The following DOK6 variants were observed in gnomAD, a reference collection of about 807,000 sequenced individuals.
DOK6 encodes the protein downstream of tyrosine kinase 6.
DOK6 carries 22 observed loss-of-function variants against 44.0 expected under a neutral mutation model. The observed-to-expected ratio is 0.50, with a 90% CI of 0.36 to 0.71. DOK6 has a LOEUF of 0.71. Among genes scored for constraint, DOK6 ranks in the 30% least tolerant of loss-of-function variants. DOK6 has a pLI of 0.00. For synonymous variants in DOK6, 166 were observed against 145.5 expected, an observed-to-expected ratio of 1.14 and a Z score of -1.01; for missense variants, 340 against 416.4, an observed-to-expected ratio of 0.82 and a Z score of 1.60.
intron 1 of DOK6, among the ~76,000 whole-genome samples, chr18:69,529,901 T>C (rs1222594656): frequency 6.6e-6 from 1 of 152,198 alleles, no homozygotes; most frequent in African/African-American, 2.4e-5. Context: ...TTACATATAT[T>C]ATCTCATATT....
At chr18:69,613,474 G>A (rs911319607) in intron 3 of DOK6, among the ~76,000 whole-genome samples, 1 of 152,132 alleles carries the variant, frequency 6.6e-6, no homozygotes, top group Non-Finnish European at 1.5e-5. Context: ...TTGGTTAATA[G>A]ACTCTGCCAC....
chr18:69,682,581 G>C (rs1406249146), intron 4 of DOK6, among the ~76,000 whole-genome samples: 2 of 152,176 alleles, frequency 1.3e-5, no homozygotes, highest in Non-Finnish European at 2.9e-5. Context: ...CACAATTTGA[G>C]CCTTTGAATA....
intron 7 of DOK6, among the ~76,000 whole-genome samples, chr18:69,835,795 G>C (rs573630238): frequency 1.3e-5 from 2 of 152,130 alleles, no homozygotes; most frequent in South Asian, 2.1e-4. Context: ...GTTATTTATA[G>C]GGACAGTACC....
At chr18:69,505,699 T>C (rs1258876325) in intron 1 of DOK6, among the ~76,000 whole-genome samples, 1 of 151,802 alleles carries the variant, frequency 6.6e-6, no homozygotes, top group Non-Finnish European at 1.5e-5. Context: ...GGTTTCACCA[T>C]GTTCACCAGG....
chr18:69,782,822 G>A (rs1375816518), intron 7 of DOK6, among the ~76,000 whole-genome samples: 1 of 152,016 alleles, frequency 6.6e-6, no homozygotes, highest in Non-Finnish European at 1.5e-5. Flanking sequence ...TATCAAAACA[G>A]GTCACATGTG....
chr18:69,512,555 G>C (rs1404827012), intron 1 of DOK6, among the ~76,000 whole-genome samples: 2 of 152,082 alleles, frequency 1.3e-5, no homozygotes, highest in Admixed American at 6.5e-5. Context: ...TGTTGGCCAG[G>C]TTGGTCTTGA....
At chr18:69,584,697 TA>T (rs778810406) in intron 2 of DOK6, among the ~76,000 whole-genome samples, 180 of 152,234 alleles carry the variant, frequency 1.2e-3, no homozygotes, top group Non-Finnish European at 1.8e-3. Context: ...CACTGTCCCC[TA>T]AATGTTTGGT....
At chr18:69,608,756 C>T (rs374590491) in intron 3 of DOK6, among the ~76,000 whole-genome samples, 24 of 151,974 alleles carry the variant, frequency 1.6e-4, no homozygotes, top group African/African-American at 5.8e-4. Flanking sequence ...TCGAGACCAG[C>T]CTGGCCAACA....
intron 2 of DOK6, among the ~76,000 whole-genome samples, chr18:69,571,417 A>T (rs1349714581): frequency 6.6e-6 from 1 of 152,070 alleles, no homozygotes; most frequent in Non-Finnish European, 1.5e-5. Flanking sequence ...TTGTGTTAGT[A>T]AACATTCCAA....
intron 7 of DOK6, among the ~76,000 whole-genome samples, chr18:69,763,520 C>T (rs1979626939): frequency 6.6e-6 from 1 of 151,888 alleles, no homozygotes; most frequent in African/African-American, 2.4e-5. Context: ...AATTGTATTT[C>T]CAAGGCGTTG....
intron 3 of DOK6, among the ~76,000 whole-genome samples, chr18:69,605,645 T>C (rs1441794087): frequency 6.6e-6 from 1 of 152,112 alleles, no homozygotes; most frequent in African/African-American, 2.4e-5. Context: ...GAATAAAAAT[T>C]ATATTATTAT....
chr18:69,668,367 T>TA (rs1416236830), intron 3 of DOK6, among the ~76,000 whole-genome samples: 1 of 152,158 alleles, frequency 6.6e-6, no homozygotes. Context: ...CCTTGTACTT[T>TA]AAAAAAACCT....
At chr18:69,811,512 T>C (rs1391780263) in intron 7 of DOK6, among the ~76,000 whole-genome samples, 2 of 137,234 alleles carry the variant, frequency 1.5e-5, no homozygotes, top group Non-Finnish European at 3.0e-5. Flanking sequence ...TTAGCTTGAT[T>C]TAACCATTCC....
intron 7 of DOK6, among the ~76,000 whole-genome samples, chr18:69,769,291 A>G (rs1340694720): frequency 6.6e-6 from 1 of 152,042 alleles, no homozygotes; most frequent in Non-Finnish European, 1.5e-5. Flanking sequence ...TTAGTTTTTT[A>G]TTCATCAGGA....
rs554236182 is a variant in DOK6 at position 69,784,384 on chromosome 18, C to T, written c.856+26511C>T. On this transcript the variant is annotated intron_variant, in intron 7 of 7. Coordinates refer to ENST00000382713, the MANE Select transcript of DOK6 (RefSeq NM_152721.6). ...ATTAAATTGTTAGCCTTGCCCTAGACAAAACATCATGGTTTTATATGGAGT... is the reference window on the plus strand; with the variant it reads ...ATTAAATTGTTAGCCTTGCCCTAGATAAAACATCATGGTTTTATATGGAGT... Among the ~76,000 whole-genome samples the T allele has an allele frequency of 2.6e-4, 39 of 151,658 alleles. 1 individual carries two copies. In the South Asian group the frequency reaches 7.9e-3, roughly 31 times the overall value.
chr18:69,424,863 A>C (rs1978594191), intron 1 of DOK6, among the ~76,000 whole-genome samples: 1 of 152,112 alleles, frequency 6.6e-6, no homozygotes, highest in African/African-American at 2.4e-5. Context: ...AACATGCACA[A>C]CTTTTCATGT....
At chr18:69,490,657 TCC>T (rs950906035) in intron 1 of DOK6, among the ~76,000 whole-genome samples, 4 of 152,132 alleles carry the variant, frequency 2.6e-5, no homozygotes, top group African/African-American at 9.7e-5. Context: ...TATAATAATT[TCC>T]CAAGTATTTG....
rs1382349438 is a variant in DOK6 at position 69,774,130 on chromosome 18, T to TGA, written c.856+16260_856+16261dup. On this transcript the variant is annotated intron_variant, in intron 7 of 7. Coordinates refer to ENST00000382713, the MANE Select transcript of DOK6 (RefSeq NM_152721.6). ...AGATAGATTTATATAGATATATATA[T>TGA]GAGATATATATATATATATATATAT... Among the ~76,000 whole-genome samples the TGA allele has an allele frequency of 1.4e-3, 21 of 14,754 alleles. No individual in the cohort carries two copies. The East Asian group carries it at 0.1, about 73-fold the overall frequency. The allele number at this position is 14,754 out of a possible 152,430, so 9.7% of individuals were successfully genotyped here. A position where few individuals can be genotyped will look rare whatever the true frequency, so the allele number is the denominator to read the frequency against.
At chr18:69,439,826 A>G (rs1195272837) in intron 1 of DOK6, among the ~76,000 whole-genome samples, 1 of 152,166 alleles carries the variant, frequency 6.6e-6, no homozygotes, top group Non-Finnish European at 1.5e-5. Flanking sequence ...CTTTCTTATG[A>G]TTCATGTGTT....
Sources: gnomAD v4.1 joint callset for allele counts (sites outside exome capture counted in the v4.1 genomes callset) on GRCh38, gnomAD v4.1.1 for gene constraint, MANE v1.5 for transcripts, NCBI Gene and HGNC (gene_info 2026-07-23, HGNC 2026-07-21) for gene names.